The following INPP4A variants were observed in gnomAD, a reference collection of about 807,000 sequenced individuals.
INPP4A encodes the protein inositol polyphosphate-4-phosphatase, type I, 107kD.
Under a neutral mutation model 119.8 loss-of-function variants are expected in INPP4A, and 33 were observed. That is an observed-to-expected ratio of 0.28 (90% confidence interval 0.21 to 0.37). The LOEUF (loss-of-function observed/expected upper bound fraction) is 0.37. Among genes scored for constraint, INPP4A ranks in the 10% least tolerant of loss-of-function variants. The probability of loss-of-function intolerance (pLI) is 1.00; values close to 1 mark genes in which losing one functional copy is unlikely to be tolerated. For synonymous variants in INPP4A, 496 were observed against 500.7 expected (o/e 0.99, Z 0.12); for missense variants, 956 against 1,289.9 (o/e 0.74, Z 3.97).
chr2:98,469,912 T>G (rs2104812540), intron 1 of INPP4A, among the ~76,000 whole-genome samples: 1 of 152,326 alleles, frequency 6.6e-6, no homozygotes, highest in African/African-American at 2.4e-5. Flanking sequence ...ATGCCGAGCC[T>G]CAGTCCCCTC....
intron 8 of INPP4A, 68 bp downstream of exon 8, chr2:98,538,042 C>T: frequency 9.3e-7 from 1 of 1,073,526 alleles, no homozygotes; most frequent in Non-Finnish European, 1.4e-6. Flanking sequence ...AAATGCAGCC[C>T]TCGTGGACTT....
At chr2:98,550,061 T>C (rs1180164145) in intron 13 of INPP4A, among the ~76,000 whole-genome samples, 1 of 152,010 alleles carries the variant, frequency 6.6e-6, no homozygotes, top group Non-Finnish European at 1.5e-5. Context: ...ACCAAGGAGC[T>C]GCCCCCAAGG....
chr2:98,449,914 A>G (rs1244332164), intron 1 of INPP4A, among the ~76,000 whole-genome samples: 2 of 152,198 alleles, frequency 1.3e-5, no homozygotes, highest in African/African-American at 4.8e-5. Flanking sequence ...CAAATTACCA[A>G]AAATATTGGA....
intron 17 of INPP4A, among the ~76,000 whole-genome samples, chr2:98,562,080 G>T (rs1340923695): frequency 6.6e-6 from 1 of 152,214 alleles, no homozygotes; most frequent in Non-Finnish European, 1.5e-5. Flanking sequence ...AGTGGCCGGG[G>T]CCGGGCCTCC....
chr2:98,447,781 A>G (rs1694445378), intron 1 of INPP4A, among the ~76,000 whole-genome samples: 1 of 152,150 alleles, frequency 6.6e-6, no homozygotes, highest in Non-Finnish European at 1.5e-5. Flanking sequence ...AAGGATATTC[A>G]TAACAGCAGT....
chr2:98,493,790 A>G (rs553113851), intron 1 of INPP4A, among the ~76,000 whole-genome samples: 3 of 152,256 alleles, frequency 2.0e-5, no homozygotes, highest in East Asian at 3.9e-4. Flanking sequence ...CTTCCCTAAC[A>G]TGGGATATTA....
chr2:98,472,035 C>G (rs1019214631), intron 1 of INPP4A, among the ~76,000 whole-genome samples: 9 of 152,308 alleles, frequency 5.9e-5, no homozygotes, highest in Admixed American at 6.5e-5. Flanking sequence ...GTGTAGGAAT[C>G]AAGAGTTTCA....
At chr2:98,515,646 G>A (rs1014984016) in intron 1 of INPP4A, among the ~76,000 whole-genome samples, 1 of 152,198 alleles carries the variant, frequency 6.6e-6, no homozygotes, top group African/African-American at 2.4e-5. Flanking sequence ...AAGCAAAAGT[G>A]GAGCTCTGAT....
chr2:98,512,672 C>T (rs564962446), intron 1 of INPP4A, among the ~76,000 whole-genome samples: 11 of 152,312 alleles, frequency 7.2e-5, no homozygotes, highest in African/African-American at 1.9e-4. Flanking sequence ...ACAGAGTCCT[C>T]GTGTCCTAAT....
Position 98,460,567 on chromosome 2 carries a change from A to G in INPP4A, c.-166+15482A>G, listed in dbSNP as rs3769739. On this transcript the variant is annotated intron_variant, in intron 1 of 24. Transcript: ENST00000409851. ...CAGAAGCAGTTCCATAGTCATTTTC[A>G]TGGTTTGGGGAGACCCTTTCTTGGA... Among the ~76,000 whole-genome samples, 383 of 152,240 alleles carry G rather than the reference A, an allele frequency of 2.5e-3. 17 individuals carry two copies. The East Asian group carries it at 0.065, about 26-fold the overall frequency.
chr2:98,456,042 T>C (rs562618848), intron 1 of INPP4A, among the ~76,000 whole-genome samples: 12 of 152,324 alleles, frequency 7.9e-5, no homozygotes, highest in African/African-American at 2.6e-4. Context: ...AGTCCAGCCC[T>C]TGTCATTTTC....
intron 1 of INPP4A, among the ~76,000 whole-genome samples, chr2:98,472,490 C>A (rs899508670): frequency 5.7e-4 from 87 of 152,346 alleles, no homozygotes; most frequent in African/African-American, 2.1e-3. Context: ...GGCAAGTGTC[C>A]AAGGAACCAG....
intron 22 of INPP4A, among the ~76,000 whole-genome samples, chr2:98,572,268 A>G (rs1697600613): frequency 6.6e-6 from 1 of 152,194 alleles, no homozygotes. Context: ...GGAAGGGCCT[A>G]GAGACTGCCA....
chr2:98,446,515 C>T (rs1393601718), intron 1 of INPP4A, among the ~76,000 whole-genome samples: 1 of 151,952 alleles, frequency 6.6e-6, no homozygotes, highest in African/African-American at 2.4e-5. Flanking sequence ...GTGCCTCATT[C>T]CCTGTGATGT....
At chr2:98,497,259 A>G (rs1682182702) in intron 1 of INPP4A, among the ~76,000 whole-genome samples, 1 of 152,228 alleles carries the variant, frequency 6.6e-6, no homozygotes, top group African/African-American at 2.4e-5. Context: ...GCTGTATGGA[A>G]ACTCCTGGGT....
intron 4 of INPP4A, among the ~76,000 whole-genome samples, chr2:98,522,771 A>T (rs1450908934): frequency 6.8e-6 from 1 of 147,888 alleles, no homozygotes; most frequent in Admixed American, 6.8e-5. Context: ...TTCCAGAAAG[A>T]AAAAAAAAAA....
intron 14 of INPP4A, among the ~76,000 whole-genome samples, chr2:98,553,220 C>T (rs1295820385): frequency 6.6e-6 from 1 of 152,192 alleles, no homozygotes; most frequent in East Asian, 1.9e-4. Flanking sequence ...ATGTGCCCTT[C>T]AGCAAGTCCA....
At chr2:98,473,144 T>A (rs1676428262) in intron 1 of INPP4A, among the ~76,000 whole-genome samples, 1 of 138,736 alleles carries the variant, frequency 7.2e-6, no homozygotes, top group South Asian at 2.4e-4. Flanking sequence ...CAGTGAAGAG[T>A]GTGGAGGGCA....
chr2:98,531,386 A>AATCAGAGG (rs1198571240), intron 4 of INPP4A, among the ~76,000 whole-genome samples: 1 of 152,226 alleles, frequency 6.6e-6, no homozygotes, highest in Non-Finnish European at 1.5e-5. Flanking sequence ...TGGAAAAAAA[A>AATCAGAGG]ATCAGAGGAG....
Sources: allele counts gnomAD v4.1 joint callset (sites outside exome capture counted in the v4.1 genomes callset), GRCh38; gene constraint gnomAD v4.1.1; transcripts MANE v1.5; gene names NCBI Gene and HGNC (gene_info 2026-07-23, HGNC 2026-07-21).